WWOX: variants seen among roughly 807,000 people sequenced by gnomAD.
The protein encoded by WWOX is WW domain-containing oxidoreductase.
Under a neutral mutation model 46.2 loss-of-function variants are expected in WWOX, and 69 were observed. That is an observed-to-expected ratio of 1.49 (90% CI 1.23 to 1.82). The LOEUF is 1.82. WWOX is among the 40% of genes most tolerant of loss of function. The pLI is 0.00. For synonymous variants in WWOX, 359 were observed against 202.6 expected (o/e 1.77, Z -6.56); for missense variants, 919 against 542.6 (o/e 1.69, Z -6.89).
intron 5 of WWOX, among the ~76,000 whole-genome samples, chr16:78,210,693 C>G (rs1259906726): frequency 6.6e-6 from 1 of 152,136 alleles, no homozygotes; most frequent in Admixed American, 6.5e-5. Flanking sequence ...TAGATTTCCC[C>G]TGTTTTTCCT....
At chr16:78,964,878 A>T (rs1283984738) in intron 8 of WWOX, among the ~76,000 whole-genome samples, 3 of 152,212 alleles carry the variant, frequency 2.0e-5, no homozygotes, top group Admixed American at 6.5e-5. Context: ...AAAGGGGCCA[A>T]GGTATAGCTC....
At chr16:78,670,263 G>T (rs1010278144) in intron 8 of WWOX, among the ~76,000 whole-genome samples, 2 of 152,114 alleles carry the variant, frequency 1.3e-5, no homozygotes, top group African/African-American at 2.4e-5. Context: ...CTTCTACCCA[G>T]GGTCATATCC....
intron 8 of WWOX, among the ~76,000 whole-genome samples, chr16:79,176,897 G>A (rs1010123843): frequency 1.3e-5 from 2 of 151,992 alleles, no homozygotes; most frequent in Non-Finnish European, 2.9e-5. Flanking sequence ...CATAATCCAG[G>A]CCGACTTTGG....
chr16:78,213,119 C>G (rs561631922), intron 5 of WWOX, among the ~76,000 whole-genome samples: 1 of 151,782 alleles, frequency 6.6e-6, no homozygotes, highest in Non-Finnish European at 1.5e-5. Flanking sequence ...GGTATGGTGA[C>G]GTGCACCTGT....
chr16:78,990,112 A>G (rs2046857080), intron 8 of WWOX, among the ~76,000 whole-genome samples: 1 of 151,418 alleles, frequency 6.6e-6, no homozygotes, highest in Admixed American at 6.6e-5. Flanking sequence ...AGAGCCCAGG[A>G]AGTCTAGGCT....
rs541021914 is a variant in WWOX, at chr16:78,774,784, A to G, written c.1056+342032A>G. On this transcript the variant is annotated intron_variant, in intron 8 of 8. Transcript: ENST00000566780. ...CATAAGGCAATTCCTGGCACATGGCATTGTTCTGAACTGTGAGGTGCTCCC... is the reference window on the plus strand; with the variant it reads ...CATAAGGCAATTCCTGGCACATGGCGTTGTTCTGAACTGTGAGGTGCTCCC... Among the ~76,000 whole-genome samples, 5 of 152,126 alleles carry G rather than the reference A, an allele frequency of 3.3e-5. No individual in the cohort carries two copies. In the South Asian group the frequency reaches 1.0e-3, roughly 32 times the overall value.
chr16:78,429,021 G>C (rs185737429), intron 7 of WWOX, among the ~76,000 whole-genome samples: 1 of 152,068 alleles, frequency 6.6e-6, no homozygotes, highest in Non-Finnish European at 1.5e-5. Flanking sequence ...TTTTATTAAG[G>C]ACTTGGTCCT....
At chr16:78,236,949 C>A (rs1597386258) in intron 5 of WWOX, among the ~76,000 whole-genome samples, 1 of 151,902 alleles carries the variant, frequency 6.6e-6, no homozygotes, top group Non-Finnish European at 1.5e-5. Context: ...TGGTGCATGC[C>A]TGTAATCCCA....
intron 8 of WWOX, among the ~76,000 whole-genome samples, chr16:78,927,087 T>C (rs2045515615): frequency 6.6e-6 from 1 of 152,230 alleles, no homozygotes; most frequent in Non-Finnish European, 1.5e-5. Context: ...TGAGCCACCA[T>C]GCCCTGCCCA....
chr16:78,385,980 G>A (rs1023180836), intron 5 of WWOX, among the ~76,000 whole-genome samples: 1 of 152,204 alleles, frequency 6.6e-6, no homozygotes, highest in African/African-American at 2.4e-5. Flanking sequence ...ATTTGTCCTT[G>A]CAGAATGATG....
At chr16:78,859,416 C>A (rs1334093196) in intron 8 of WWOX, among the ~76,000 whole-genome samples, 1 of 151,942 alleles carries the variant, frequency 6.6e-6, no homozygotes, top group Non-Finnish European at 1.5e-5. Flanking sequence ...GGGAATCTTA[C>A]CAGGAAGAAC....
intron 8 of WWOX, among the ~76,000 whole-genome samples, chr16:79,065,997 A>G (rs2048434292): frequency 6.6e-6 from 1 of 152,138 alleles, no homozygotes; most frequent in Non-Finnish European, 1.5e-5. Flanking sequence ...ACATTTCCCT[A>G]CTGCCTTGGA....
chr16:79,137,763 C>G (rs1383371671), intron 8 of WWOX, among the ~76,000 whole-genome samples: 1 of 152,062 alleles, frequency 6.6e-6, no homozygotes, highest in Non-Finnish European at 1.5e-5. Flanking sequence ...CCTCTGTCCC[C>G]TCTGTGTTCC....
intron 5 of WWOX, among the ~76,000 whole-genome samples, chr16:78,178,033 G>A (rs1032181110): frequency 4.6e-5 from 7 of 152,192 alleles, no homozygotes; most frequent in Non-Finnish European, 8.8e-5. Flanking sequence ...CATGAAAACA[G>A]ACATGTGTTT....
At chr16:79,075,065 C>T (rs1329433508) in intron 8 of WWOX, among the ~76,000 whole-genome samples, 2 of 152,186 alleles carry the variant, frequency 1.3e-5, no homozygotes, top group East Asian at 3.9e-4. Flanking sequence ...TATGGAAGTG[C>T]AATAGTTATT....
At chr16:78,728,274 A>C (rs1207292043) in intron 8 of WWOX, among the ~76,000 whole-genome samples, 1 of 151,854 alleles carries the variant, frequency 6.6e-6, no homozygotes, top group Non-Finnish European at 1.5e-5. Flanking sequence ...TGTGTTGCCC[A>C]AGCTGGTCTC....
chr16:78,640,577 G>T (rs1402314290), intron 8 of WWOX, among the ~76,000 whole-genome samples: 1 of 152,044 alleles, frequency 6.6e-6, no homozygotes, highest in African/African-American at 2.4e-5. Context: ...AACCACCATG[G>T]CACACATTTA....
intron 8 of WWOX, among the ~76,000 whole-genome samples, chr16:79,031,670 T>C (rs901791460): frequency 6.6e-6 from 1 of 150,648 alleles, no homozygotes; most frequent in Non-Finnish European, 1.5e-5. Context: ...TTTAATACCA[T>C]CTTTTTTGAA....
At chr16:79,196,837 G>T (rs146965919) in intron 8 of WWOX, among the ~76,000 whole-genome samples, 1 of 152,166 alleles carries the variant, frequency 6.6e-6, no homozygotes, top group African/African-American at 2.4e-5. Flanking sequence ...TGGAGAGCTA[G>T]GGAAATAATG....
Sources: allele counts gnomAD v4.1 joint callset (sites outside exome capture counted in the v4.1 genomes callset), GRCh38; gene constraint gnomAD v4.1.1; transcripts MANE v1.5; gene names NCBI Gene and HGNC (gene_info 2026-07-23, HGNC 2026-07-21).